SRGAP2B: variants seen among roughly 807,000 people sequenced by gnomAD.
SRGAP2B encodes SLIT-ROBO Rho GTPase-activating protein 2B.
In SRGAP2B, 9 loss-of-function variants were observed where a neutral mutation model predicts 22.2. The ratio of observed to expected loss-of-function variants is 0.41; its 90% CI spans 0.24 to 0.71. The LOEUF (loss-of-function observed/expected upper bound fraction) is 0.71, where lower values mean the gene tolerates loss of function less well. Ranked by LOEUF, SRGAP2B falls within the 30% of genes least tolerant of loss-of-function variation. The pLI, the probability that SRGAP2B is intolerant of heterozygous loss-of-function variation, is 0.35. For missense variants in SRGAP2B, 114 were observed against 235.8 expected, an observed-to-expected ratio of 0.48 and a Z score of 3.38; for synonymous variants, 36 against 87.4, an observed-to-expected ratio of 0.41 and a Z score of 3.28.
intron 4 of SRGAP2B, among the ~76,000 whole-genome samples, chr1:144,934,403 C>CAAAAAAAAAAAAAAA (rs782588401): frequency 7.4e-5 from 3 of 40,692 alleles, no homozygotes; most frequent in African/African-American, 3.2e-4. Flanking sequence ...AACTCCATCT[C>CAAAAAAAAAAAAAAA]AAAAAAAAAA....
At chr1:145,010,901 TC>T (rs1672006678) in intron 2 of SRGAP2B, among the ~76,000 whole-genome samples, 1 of 118,064 alleles carries the variant, frequency 8.5e-6, no homozygotes, top group African/African-American at 3.6e-5. Context: ...ACTCTTATTT[TC>T]CGTATCATCA....
At chr1:145,082,239 T>C (rs1553634809) in intron 2 of SRGAP2B, among the ~76,000 whole-genome samples, 1 of 145,664 alleles carries the variant, frequency 6.9e-6, no homozygotes, top group African/African-American at 2.8e-5. Flanking sequence ...GTCAAGGGTA[T>C]TTCATACCAA....
At chr1:145,010,691 C>G (rs1217063697) in intron 2 of SRGAP2B, among the ~76,000 whole-genome samples, 1 of 150,634 alleles carries the variant, frequency 6.6e-6, no homozygotes, top group Admixed American at 6.6e-5. Flanking sequence ...TTATTTCACC[C>G]TCACCAGCCA....
intron 2 of SRGAP2B, among the ~76,000 whole-genome samples, chr1:145,042,465 G>A (rs1190489205): frequency 4.9e-5 from 5 of 102,220 alleles, no homozygotes; most frequent in Admixed American, 1.1e-4. Flanking sequence ...CATTCATTAA[G>A]GCCAAAGAGA....
intron 4 of SRGAP2B, among the ~76,000 whole-genome samples, chr1:144,925,532 T>C (rs1453785168): frequency 1.4e-5 from 2 of 141,198 alleles, no homozygotes; most frequent in Non-Finnish European, 3.0e-5. Context: ...TAATCCCAGC[T>C]ATCTGGGAGG....
At chr1:145,065,130 C>CA (rs1347967012) in intron 2 of SRGAP2B, among the ~76,000 whole-genome samples, 2 of 151,530 alleles carry the variant, frequency 1.3e-5, no homozygotes, top group East Asian at 3.9e-4. Context: ...TATCTCCCCT[C>CA]AAAACCTAAC....
chr1:144,952,756 C>A (rs1219345852), intron 4 of SRGAP2B, among the ~76,000 whole-genome samples: 1 of 150,676 alleles, frequency 6.6e-6, no homozygotes. Context: ...ACTCCCACCT[C>A]AGCATCCCAA....
intron 2 of SRGAP2B, among the ~76,000 whole-genome samples, chr1:145,007,706 T>C (rs1389067635): frequency 1.3e-5 from 2 of 150,782 alleles, no homozygotes; most frequent in African/African-American, 5.0e-5. Context: ...TTAATAACAG[T>C]ATCTACCTCA....
intron 2 of SRGAP2B, among the ~76,000 whole-genome samples, chr1:144,997,581 C>T: frequency 6.7e-6 from 1 of 150,200 alleles, no homozygotes; most frequent in Admixed American, 6.6e-5. Context: ...GAATTTACCT[C>T]AGTAATCTCA....
intron 3 of SRGAP2B, among the ~76,000 whole-genome samples, chr1:144,994,455 T>C (rs11249385): frequency 3.0e-5 from 4 of 135,268 alleles, no homozygotes; most frequent in Non-Finnish European, 6.2e-5. Flanking sequence ...ACATCATTTA[T>C]TTCTTCTAAT....
chr1:144,925,061 G>A (rs1410870375), intron 4 of SRGAP2B, among the ~76,000 whole-genome samples: 1 of 148,300 alleles, frequency 6.7e-6, no homozygotes, highest in Non-Finnish European at 1.5e-5. Context: ...GGAGTGCAGT[G>A]GCGCCATCTC....
At chr1:145,019,773 A>T (rs1222783928) in intron 2 of SRGAP2B, among the ~76,000 whole-genome samples, 1 of 145,828 alleles carries the variant, frequency 6.9e-6, no homozygotes, top group Non-Finnish European at 1.5e-5. Context: ...TTTACAGAAT[A>T]AAAGCCAACA....
intron 5 of SRGAP2B, 104 bp downstream of exon 5, chr1:144,914,582 CACTTGT>C: frequency 1.5e-6 from 1 of 658,450 alleles, no homozygotes; most frequent in Non-Finnish European, 2.8e-6. Context: ...GGGGACCATG[CACTTGT>C]CCTCAACCTC....
intron 5 of SRGAP2B, among the ~76,000 whole-genome samples, chr1:144,910,470 TAAATACC>T (rs1663341978): frequency 6.7e-6 from 1 of 149,086 alleles, no homozygotes; most frequent in South Asian, 2.1e-4. Flanking sequence ...GAACAGGTGC[TAAATACC>T]AGTCTGAAGT....
intron 3 of SRGAP2B, among the ~76,000 whole-genome samples, chr1:144,967,230 C>T (rs1356448800): frequency 3.2e-5 from 4 of 124,004 alleles, no homozygotes; most frequent in Admixed American, 8.8e-5. Context: ...AAATTGACCA[C>T]GTAGTTGGAA....
rs1250233043 is a variant in SRGAP2B, at chr1:144,909,232, G to A, written c.487-3158C>T. On this transcript the variant is annotated intron_variant, in intron 5 of 9. Transcript: ENST00000612199. ...AGCCAGATTTATATCACAGAAGCCCGAAGAGAAATAAGTAGCAGTGGGATG... is the reference window on the plus strand; with the variant it reads ...AGCCAGATTTATATCACAGAAGCCCAAAGAGAAATAAGTAGCAGTGGGATG... Among the ~76,000 whole-genome samples, 6 of 148,930 alleles carry A rather than the reference G, an allele frequency of 4.0e-5. 1 individual carries two copies. Among genetic ancestry groups the A allele is most frequent in the South Asian group, 2.1e-4 (1 of 4,728 alleles).
At chr1:144,992,177 AC>A (rs1670298336) in intron 3 of SRGAP2B, among the ~76,000 whole-genome samples, 1 of 150,406 alleles carries the variant, frequency 6.6e-6, no homozygotes, top group Non-Finnish European at 1.5e-5. Flanking sequence ...AGCCAGTGAG[AC>A]CACGAACCCA....
chr1:144,944,586 CAAAAAA>C (rs3061760), intron 4 of SRGAP2B, among the ~76,000 whole-genome samples: 43 of 17,908 alleles, frequency 2.4e-3, no homozygotes, highest in African/African-American at 8.9e-3. Flanking sequence ...GTCTCCATCT[CAAAAAA>C]AAAAAAAAAA....
At position 145,094,917 on chromosome 1, in the gene SRGAP2B, C is replaced by T. The variant is rs1654313686; in HGVS notation, c.-543+306G>A. ...TGCCCTACGGTGGACCGCGGCTGCC[C>T]GTGTGCGGAGGAAAGGGAGAGGCGG... is the stretch of plus-strand genomic sequence containing the variant. On this transcript the variant is annotated intron_variant, in intron 1 of 9. Transcript: ENST00000612199. The T allele has an allele frequency of 3.3e-6, 5 of 1,519,432 alleles. 1 individual carries two copies. The South Asian group carries it at 6.0e-5, about 18-fold the overall frequency. 94.1% of individuals were successfully genotyped at this position (1,519,432 alleles called of 1,614,324 possible). A position where few individuals can be genotyped will look rare whatever the true frequency, so the allele number is the denominator to read the frequency against.
Sources: gnomAD v4.1 joint callset for allele counts (sites outside exome capture counted in the v4.1 genomes callset) on GRCh38, gnomAD v4.1.1 for gene constraint, MANE v1.5 for transcripts, NCBI Gene and HGNC (gene_info 2026-07-23, HGNC 2026-07-21) for gene names.